Variants in MKLN1 observed in about 807,000 individuals in gnomAD.
MKLN1 encodes the protein muskelin.
A neutral mutation model predicts 99.0 loss-of-function variants in MKLN1; 18 were observed. The observed-to-expected ratio is 0.18, with a 90% confidence interval of 0.13 to 0.27. The LOEUF (loss-of-function observed/expected upper bound fraction) is 0.27, where lower values mean the gene tolerates loss of function less well. MKLN1 is among the 10% of genes least tolerant of loss of function. The probability of loss-of-function intolerance (pLI) is 1.00; values close to 1 mark genes in which losing one functional copy is unlikely to be tolerated. For missense variants in MKLN1, 621 were observed against 875.9 expected, an observed-to-expected ratio of 0.71 and a Z score of 3.67; for synonymous variants, 288 against 293.2, an observed-to-expected ratio of 0.98 and a Z score of 0.18.
chr7:131,252,623 C>A (rs759259358), intron 3 of MKLN1, among the ~76,000 whole-genome samples: 1 of 152,108 alleles, frequency 6.6e-6, no homozygotes, highest in Non-Finnish European at 1.5e-5. Flanking sequence ...CCACCGCACC[C>A]AGGCAAGATG....
At position 131,121,821 on chromosome 7, in the gene MKLN1, T is replaced by C. The variant is rs575642305; in HGVS notation, c.-419+11614T>C. ...ATAAGAGCTGCTGGAACTGGGTTTA[T>C]AAATTTGAAAGAAGATTGCCTAGGA... On this transcript the variant is annotated intron_variant, in intron 1 of 7. Coordinates refer to the MKLN1 transcript ENST00000416992. Among the ~76,000 whole-genome samples the C allele has an allele frequency of 2.0e-5, 3 of 152,228 alleles. No homozygotes were observed. The East Asian group carries it at 5.8e-4, about 29-fold the overall frequency.
At chr7:131,473,094 G>A (rs1169840091) in intron 16 of MKLN1, among the ~76,000 whole-genome samples, 2 of 152,046 alleles carry the variant, frequency 1.3e-5, no homozygotes, top group Non-Finnish European at 2.9e-5. Flanking sequence ...TAAAATTTGT[G>A]AACATATTTA....
intron 17 of MKLN1, among the ~76,000 whole-genome samples, chr7:131,486,830 A>G (rs1182334011): frequency 4.6e-5 from 7 of 152,200 alleles, no homozygotes; most frequent in African/African-American, 1.7e-4. Context: ...AATGAACTTG[A>G]TAATTGAATG....
At chr7:131,473,770 A>G (rs78913565) in intron 16 of MKLN1, among the ~76,000 whole-genome samples, 8,175 of 152,280 alleles carry the variant, frequency 0.054, 312 homozygotes, top group Non-Finnish European at 0.075. Context: ...CAAACCCAAC[A>G]AGATCCCTGC....
At chr7:131,413,839 A>G (rs1794945255) in intron 7 of MKLN1, among the ~76,000 whole-genome samples, 1 of 152,106 alleles carries the variant, frequency 6.6e-6, no homozygotes, top group Non-Finnish European at 1.5e-5. Context: ...GCGCCCGGCC[A>G]TAACTTTATT....
chr7:131,273,092 A>T (rs185683705), intron 3 of MKLN1, among the ~76,000 whole-genome samples: 4 of 152,282 alleles, frequency 2.6e-5, no homozygotes, highest in Admixed American at 1.3e-4. Context: ...AGTCCCAGAG[A>T]AGTTAAGTAC....
Position 131,399,244 on chromosome 7 carries a change from C to T in MKLN1, c.514C>T (p.Arg172Cys), listed in dbSNP as rs1218259374. 8 of 1,613,380 alleles carry T rather than the reference C, an allele frequency of 5.0e-6. No homozygotes were observed. Among genetic ancestry groups the T allele is most frequent in the African/African-American group, 4.0e-5 (3 of 74,876 alleles). Residue 172 changes from arginine (R) to cysteine (C), a missense_variant, in exon 6 of 18, where the codon CGT becomes TGT. Around this residue, in one of 8 missense-constraint regions of MKLN1, gnomAD observed 361 missense variants for 540.8 expected, o/e 0.67. Transcript: ENST00000352689. ...QPCLNWYSKY[R>C]EQEAIRLCLK... ...TACTTACTCTGTGTTCTAGTAGTAC[C>T]GTGAACAGGAAGCTATTCGCCTTTG...
chr7:131,423,856 A>G (rs867858888), intron 8 of MKLN1, among the ~76,000 whole-genome samples: 3 of 152,388 alleles, frequency 2.0e-5, no homozygotes, highest in African/African-American at 4.8e-5. Context: ...TGTCATAGGC[A>G]TAACAATTCA....
chr7:131,146,571 A>G (rs1795817565), intron 2 of MKLN1, among the ~76,000 whole-genome samples: 1 of 152,194 alleles, frequency 6.6e-6, no homozygotes, highest in African/African-American at 2.4e-5. Context: ...CCAGCATAGG[A>G]CTTGGCACAC....
intron 2 of MKLN1, among the ~76,000 whole-genome samples, chr7:131,185,651 C>T (rs1796439426): frequency 6.6e-6 from 1 of 152,144 alleles, no homozygotes; most frequent in African/African-American, 2.4e-5. Flanking sequence ...CTCAAGCTTT[C>T]ATTTCATCCA....
In MKLN1 at chr7:131,400,509, T is replaced by TAA. The variant is rs779312882; in HGVS notation, c.703+1085_703+1086dup. On this transcript the variant is annotated intron_variant, in intron 6 of 17. Transcript: ENST00000352689. ...TTAACAGACTTTAAAATGCTACCAATAAAAAAAAAATATATATATATATAT... is the reference window on the plus strand; with the variant it reads ...TTAACAGACTTTAAAATGCTACCAATAAAAAAAAAAAATATATATATATATAT... Among the ~76,000 whole-genome samples the TAA allele has an allele frequency of 3.3e-3, 441 of 133,126 alleles. 3 individuals are homozygous for TAA. Among genetic ancestry groups the TAA allele is most frequent in the Middle Eastern group, 0.016 (4 of 244 alleles). 87.3% of individuals were successfully genotyped at this position (133,126 alleles called of 152,430 possible). A position where few individuals can be genotyped will look rare whatever the true frequency, so the allele number is the denominator to read the frequency against.
chr7:131,381,602 C>T (rs893530149), intron 2 of MKLN1, among the ~76,000 whole-genome samples: 2 of 152,110 alleles, frequency 1.3e-5, no homozygotes, highest in Admixed American at 6.5e-5. Flanking sequence ...CAGCTGAATT[C>T]CATCATCCTG....
At chr7:131,444,746 AGTAGTAGTAGTAGAAGAAGTAGT>A (rs1563351862) in intron 11 of MKLN1, among the ~76,000 whole-genome samples, 223 of 101,180 alleles carry the variant, frequency 2.2e-3, no homozygotes, top group African/African-American at 8.2e-3. Context: ...TAGTAGTAGT[AGTAGTAGTAGTAGAAGAAGTAGT>A]AGTAGTAGTA....
At chr7:131,407,703 A>C (rs1426733671) in intron 6 of MKLN1, among the ~76,000 whole-genome samples, 2 of 144,806 alleles carry the variant, frequency 1.4e-5, no homozygotes, top group African/African-American at 5.1e-5. Context: ...TTTTTTTCAT[A>C]ATTTTTGCTC....
intron 8 of MKLN1, among the ~76,000 whole-genome samples, chr7:131,419,780 AAG>A (rs1197285356): frequency 6.6e-6 from 1 of 152,142 alleles, no homozygotes; most frequent in Non-Finnish European, 1.5e-5. Flanking sequence ...AAGTCAGAGA[AAG>A]AGAGTGGGAA....
intron 9 of MKLN1, among the ~76,000 whole-genome samples, chr7:131,435,437 G>A (rs576258414): frequency 6.6e-6 from 1 of 152,224 alleles, no homozygotes; most frequent in Non-Finnish European, 1.5e-5. Context: ...GAATGGAAGA[G>A]AATGTGGATA....
At chr7:131,130,569 G>A (rs780288683) in intron 1 of MKLN1, among the ~76,000 whole-genome samples, 6 of 152,088 alleles carry the variant, frequency 3.9e-5, no homozygotes, top group Non-Finnish European at 8.8e-5. Context: ...TTTTTCTGTC[G>A]ATAATGTTAA....
At chr7:131,334,285 T>C (rs906714638) in intron 1 of MKLN1, among the ~76,000 whole-genome samples, 2 of 152,348 alleles carry the variant, frequency 1.3e-5, no homozygotes, top group Admixed American at 1.3e-4. Flanking sequence ...GATACTATTA[T>C]GCCCTTCCTT....
chr7:131,354,631 C>G (rs1473917676), intron 1 of MKLN1, among the ~76,000 whole-genome samples: 1 of 151,728 alleles, frequency 6.6e-6, no homozygotes, highest in Admixed American at 6.6e-5. Context: ...TTGAATGTGT[C>G]AAGTTTTATT....
Sources: allele counts gnomAD v4.1 joint callset (sites outside exome capture counted in the v4.1 genomes callset), GRCh38; gene constraint gnomAD v4.1.1; regional missense constraint gnomAD v4.1.1; transcripts MANE v1.5; gene names NCBI Gene and HGNC (gene_info 2026-07-23, HGNC 2026-07-21).